Variants in ITGBL1 observed in about 807,000 individuals in gnomAD.
ITGBL1 encodes the protein integrin subunit beta like 1, also known as integrin beta-like protein 1.
In ITGBL1, 51 loss-of-function variants were observed where a neutral mutation model predicts 68.5. That is an observed-to-expected ratio of 0.74 (90% CI 0.59 to 0.94). The LOEUF is 0.94. ITGBL1 is among the 40% of genes least tolerant of loss of function. The pLI is 0.00. For missense variants in ITGBL1, 649 were observed against 647.4 expected (o/e 1.00, Z -0.03); for synonymous variants, 209 against 227.3 (o/e 0.92, Z 0.72).
At chr13:101,651,502 C>G (rs904634886) in intron 7 of ITGBL1, among the ~76,000 whole-genome samples, 2 of 152,140 alleles carry the variant, frequency 1.3e-5, no homozygotes, top group African/African-American at 4.8e-5. Flanking sequence ...CCTTTGCCCA[C>G]TTTTTAATGG....
chr13:101,616,778 G>A (rs958056870), intron 7 of ITGBL1, among the ~76,000 whole-genome samples: 6 of 152,062 alleles, frequency 3.9e-5, no homozygotes, highest in South Asian at 2.1e-4. Context: ...GGTGTGAGCC[G>A]CTGCAGGCAG....
rs138880329 is a variant in ITGBL1, at chr13:101,458,251, G to C, written c.316+4151G>C. On this transcript the variant is annotated intron_variant, in intron 2 of 10. Transcript: ENST00000376180. Reference sequence around the variant, plus strand: ...ATTATGGCTAAAAGTTCTTGAGAAAGAGGTAGCATTTGACATAAGCACTTG... The same window carrying C: ...ATTATGGCTAAAAGTTCTTGAGAAACAGGTAGCATTTGACATAAGCACTTG... Among the ~76,000 whole-genome samples, 8 of 152,354 alleles carry C rather than the reference G, an allele frequency of 5.3e-5. No individual in the cohort carries two copies. In the East Asian group the frequency reaches 1.5e-3, roughly 29 times the overall value.
intron 5 of ITGBL1, among the ~76,000 whole-genome samples, chr13:101,580,298 A>G (rs1241367353): frequency 6.6e-6 from 1 of 152,204 alleles, no homozygotes; most frequent in Non-Finnish European, 1.5e-5. Flanking sequence ...AGAAATTGAC[A>G]TAGAGGAGTA....
intron 2 of ITGBL1, among the ~76,000 whole-genome samples, chr13:101,555,289 G>C (rs770232077): frequency 1.3e-5 from 2 of 151,902 alleles, no homozygotes; most frequent in African/African-American, 4.8e-5. Context: ...CATATTTTAC[G>C]TCAATATGTT....
At chr13:101,543,881 C>T (rs1000957916) in intron 2 of ITGBL1, among the ~76,000 whole-genome samples, 7 of 152,144 alleles carry the variant, frequency 4.6e-5, no homozygotes, top group African/African-American at 7.2e-5. Context: ...ACGTAGTTCT[C>T]GTGCCTTGGT....
At chr13:101,609,174 A>T (rs1030718658) in intron 7 of ITGBL1, among the ~76,000 whole-genome samples, 2 of 152,074 alleles carry the variant, frequency 1.3e-5, no homozygotes, top group African/African-American at 4.8e-5. Context: ...TGATATCTTA[A>T]ACTGTATATG....
At chr13:101,587,950 G>C (rs2050585200) in intron 6 of ITGBL1, among the ~76,000 whole-genome samples, 1 of 150,168 alleles carries the variant, frequency 6.7e-6, no homozygotes, top group South Asian at 2.1e-4. Context: ...CAAATTCACA[G>C]GCATTTTTTG....
At chr13:101,655,301 G>T (rs1416285051) in intron 7 of ITGBL1, among the ~76,000 whole-genome samples, 1 of 152,192 alleles carries the variant, frequency 6.6e-6, no homozygotes. Context: ...ATTTTCTTAT[G>T]TGGGAGGAGT....
intron 2 of ITGBL1, among the ~76,000 whole-genome samples, chr13:101,563,252 A>T (rs750851016): frequency 6.6e-6 from 1 of 151,372 alleles, no homozygotes; most frequent in Non-Finnish European, 1.5e-5. Context: ...GAAAAAAAAG[A>T]CCTAATTAAA....
chr13:101,522,286 C>T (rs908995863), intron 2 of ITGBL1, among the ~76,000 whole-genome samples: 4 of 152,196 alleles, frequency 2.6e-5, no homozygotes, highest in Middle Eastern at 6.8e-3. Context: ...TAAAAAATGT[C>T]TATATTATAC....
intron 2 of ITGBL1, among the ~76,000 whole-genome samples, chr13:101,476,110 A>G (rs1256751860): frequency 6.6e-6 from 1 of 152,172 alleles, no homozygotes; most frequent in African/African-American, 2.4e-5. Flanking sequence ...AGACTAAAAG[A>G]TGAACCTATC....
At chr13:101,636,016 A>G (rs538534687) in intron 7 of ITGBL1, among the ~76,000 whole-genome samples, 5 of 152,248 alleles carry the variant, frequency 3.3e-5, no homozygotes, top group Non-Finnish European at 5.9e-5. Flanking sequence ...TAAAAATTAT[A>G]CAAATTAATT....
At chr13:101,547,598 G>A (rs1208137797) in intron 2 of ITGBL1, among the ~76,000 whole-genome samples, 3 of 151,428 alleles carry the variant, frequency 2.0e-5, no homozygotes, top group Non-Finnish European at 3.0e-5. Flanking sequence ...TGGTTAATGG[G>A]TACAAAAATA....
chr13:101,530,881 A>G (rs1277824788), intron 2 of ITGBL1, among the ~76,000 whole-genome samples: 1 of 152,110 alleles, frequency 6.6e-6, no homozygotes, highest in African/African-American at 2.4e-5. Context: ...ATCAACTTCA[A>G]ATTCTTGAAG....
chr13:101,647,286 A>C (rs1222295590), intron 7 of ITGBL1, among the ~76,000 whole-genome samples: 2 of 152,196 alleles, frequency 1.3e-5, no homozygotes, highest in Admixed American at 6.5e-5. Context: ...TATCCAAATT[A>C]ATATTTTTCA....
intron 7 of ITGBL1, among the ~76,000 whole-genome samples, chr13:101,635,370 C>A (rs1400942376): frequency 6.6e-6 from 1 of 152,014 alleles, no homozygotes; most frequent in Non-Finnish European, 1.5e-5. Context: ...CCGAAAATAA[C>A]ATCTATTTCA....
chr13:101,527,022 CTTT>C (rs1819406200), intron 2 of ITGBL1, among the ~76,000 whole-genome samples: 1 of 152,144 alleles, frequency 6.6e-6, no homozygotes, highest in African/African-American at 2.4e-5. Flanking sequence ...TAGATACCTT[CTTT>C]GATTCTATGC....
intron 7 of ITGBL1, among the ~76,000 whole-genome samples, chr13:101,628,288 TG>T (rs1002360846): frequency 3.9e-5 from 6 of 152,240 alleles, no homozygotes; most frequent in African/African-American, 1.4e-4. Flanking sequence ...ATTTTTAAAT[TG>T]TTTTTCTCTT....
At chr13:101,517,665 G>A (rs905960138) in intron 2 of ITGBL1, among the ~76,000 whole-genome samples, 16 of 152,196 alleles carry the variant, frequency 1.1e-4, no homozygotes, top group African/African-American at 3.9e-4. Flanking sequence ...AAATCCAGAT[G>A]TTCAAGAAAT....
Sources: allele counts gnomAD v4.1 joint callset (sites outside exome capture counted in the v4.1 genomes callset), GRCh38; gene constraint gnomAD v4.1.1; transcripts MANE v1.5; gene names NCBI Gene and HGNC (gene_info 2026-07-23, HGNC 2026-07-21).